The following FGFR1 variants were observed in gnomAD, a reference collection of about 807,000 sequenced individuals.
FGFR1 encodes the protein fibroblast growth factor receptor 1, also known as FGFR1/PLAG1 fusion.
Under a neutral mutation model 93.7 loss-of-function variants are expected in FGFR1, and 18 were observed. That is an observed-to-expected ratio of 0.19 (90% confidence interval 0.13 to 0.28). The LOEUF is 0.28. Ranked by LOEUF, FGFR1 falls within the 10% of genes least tolerant of loss-of-function variation. FGFR1 has a pLI of 1.00. For missense variants in FGFR1, 731 were observed against 1,080.4 expected (o/e 0.68, Z 4.53); for synonymous variants, 448 against 429.3 (o/e 1.04, Z -0.54).
At chr8:38,415,816 G>C (rs747108233) in intron 13 of FGFR1, 54 bp downstream of exon 13, 10 of 1,551,926 alleles carry the variant, frequency 6.4e-6, no homozygotes, top group South Asian at 2.2e-5. Flanking sequence ...TGGAAGACTA[G>C]GGGGGCTCTG....
chr8:38,458,406 T>G (rs1280990130), intron 1 of FGFR1, among the ~76,000 whole-genome samples: 1 of 151,994 alleles, frequency 6.6e-6, no homozygotes, highest in East Asian at 1.9e-4. Context: ...CTGGGCATAG[T>G]GGTACACACC....
chr8:38,438,731 G>A (rs1204603226), intron 2 of FGFR1, among the ~76,000 whole-genome samples: 1 of 151,970 alleles, frequency 6.6e-6, no homozygotes, highest in Non-Finnish European at 1.5e-5. Flanking sequence ...GCTGTGCAAG[G>A]CAGCCTCAAT....
intron 2 of FGFR1, among the ~76,000 whole-genome samples, chr8:38,438,235 T>G (rs1340570670): frequency 2.0e-5 from 3 of 152,118 alleles, no homozygotes. Context: ...TGTGAAGTAT[T>G]TAAGAGTTAG....
At chr8:38,466,374 A>G (rs996948488) in intron 1 of FGFR1, among the ~76,000 whole-genome samples, 4 of 152,270 alleles carry the variant, frequency 2.6e-5, no homozygotes, top group African/African-American at 9.6e-5. Context: ...CTTTGGTTCC[A>G]GAAACTTCCA....
intron 1 of FGFR1, 100 bp downstream of exon 1, chr8:38,467,881 T>A: frequency 4.4e-6 from 1 of 226,516 alleles, no homozygotes; most frequent in Non-Finnish European, 8.8e-6. Flanking sequence ...CGGCCCCGGC[T>A]GGGCTGCGGC....
chr8:38,411,811 G>A lies in FGFR1; in HGVS notation c.*1817C>T, dbSNP rs1459231705. The stretch of plus-strand genomic sequence containing the variant: ...GAGAATTTTCCCCCCGTTCCTGAGG[G>A]ACAGGATGGAGTTTGGACAGGAAGA... On this transcript the variant is annotated 3_prime_UTR_variant, in exon 18 of 18. Coordinates refer to ENST00000447712, the MANE Select transcript of FGFR1 (RefSeq NM_023110.3). 2.6e-5 allele frequency: 6 copies of A among 229,466 alleles called. No homozygotes were observed. The highest frequency in any genetic ancestry group is 5.2e-5 in the Non-Finnish European group (6 of 115,546). The allele number at this position is 229,466 out of a possible 1,614,324, so 14.2% of individuals were successfully genotyped here. A position where few individuals can be genotyped will look rare whatever the true frequency, so the allele number is the denominator to read the frequency against.
rs139984853 is a variant in FGFR1 at position 38,454,155 on chromosome 8, C to T, written c.91+3201G>A. Among the ~76,000 whole-genome samples the T allele has an allele frequency of 5.8e-4, 88 of 152,098 alleles. No homozygotes were observed. The East Asian group carries it at 0.014, about 24-fold the overall frequency. On this transcript the variant is annotated intron_variant, in intron 2 of 17. Coordinates refer to ENST00000447712, the MANE Select transcript of FGFR1 (RefSeq NM_023110.3). ...TTTGTCCTCATCAAGATCTTCAGCC[C>T]CCAGGTTCCAGCCTCCACCCTGCCC...
At position 38,446,456 on chromosome 8, in the gene FGFR1, C is replaced by A. The variant is rs572959602; in HGVS notation, c.91+10900G>T. Among the ~76,000 whole-genome samples the A allele has an allele frequency of 2.0e-5, 3 of 151,852 alleles. No homozygotes were observed. The South Asian group carries it at 6.3e-4, about 32-fold the overall frequency. On this transcript the variant is annotated intron_variant, in intron 2 of 17. Coordinates refer to ENST00000447712, the MANE Select transcript of FGFR1 (RefSeq NM_023110.3). ...GAACTCCTGAGCTCAGGCAATCAGC[C>A]CACCTTGGCCCCCAAAAGTGCTAGG...
At chr8:38,439,022 G>C (rs1826417446) in intron 2 of FGFR1, among the ~76,000 whole-genome samples, 1 of 152,172 alleles carries the variant, frequency 6.6e-6, no homozygotes, top group Admixed American at 6.5e-5. Flanking sequence ...TGGGGGAGGT[G>C]TTCATTGTGA....
intron 3 of FGFR1, chr8:38,428,956 G>A: frequency 3.3e-6 from 1 of 303,542 alleles, no homozygotes; most frequent in Non-Finnish European, 6.4e-6. Flanking sequence ...CACCCCAGCA[G>A]CTGCCAACAC....
chr8:38,430,874 T>G (rs1822822703), intron 2 of FGFR1: 1 of 151,470 alleles, frequency 6.6e-6, no homozygotes, highest in African/African-American at 2.4e-5. Context: ...GACCAGTGCC[T>G]CTTCCCGCAC....
At chr8:38,431,906 GAAGGT>G (rs1823299704) in intron 2 of FGFR1, among the ~76,000 whole-genome samples, 2 of 152,242 alleles carry the variant, frequency 1.3e-5, no homozygotes, top group South Asian at 4.1e-4. Context: ...TTTGCCAAAC[GAAGGT>G]AAGGAGAAAA....
rs2150810324 is a variant in FGFR1 at position 38,424,472 on chromosome 8, C to A, written c.936+37G>T. 1 of 1,612,960 alleles carries A rather than the reference C, an allele frequency of 6.2e-7. No homozygotes were observed. The highest frequency in any genetic ancestry group is 8.5e-7 in the Non-Finnish European group (1 of 1,178,964). On this transcript the variant is annotated intron_variant, in intron 7 of 17. Transcript: ENST00000447712. This position sits in a 1 kb window ranked among gnomAD's most constrained non-coding sequence, Gnocchi z 4.3. ...GCCCCCGAGACAGTGGTCTCCTTCC[C>A]AGTAGACTGGCCCACGAAGACTGGT...
At chr8:38,443,149 T>A (rs1024007908) in intron 2 of FGFR1, among the ~76,000 whole-genome samples, 1 of 151,708 alleles carries the variant, frequency 6.6e-6, no homozygotes, top group Admixed American at 6.6e-5. Context: ...GAAGGTGAAA[T>A]GGATGGTGGT....
At chr8:38,459,688 C>T (rs1424817370) in intron 1 of FGFR1, among the ~76,000 whole-genome samples, 1 of 152,140 alleles carries the variant, frequency 6.6e-6, no homozygotes. Context: ...AAGTACTTTA[C>T]TCAAGGAAAT....
chr8:38,428,425 G>A lies in FGFR1; in HGVS notation c.369C>T (p.Pro123=), dbSNP rs1421890106. Residue 123 remains proline (P), a synonymous_variant, in exon 4 of 18, where the codon CCC becomes CCT. Transcript: ENST00000447712. ...CATCATCATCATCATCCTCCGAGGA[G>A]GGGAGAGCATCTATGGGAAGAAGAA... The part of the protein sequence containing the change: ...YFSVNVSDAL[P]SSEDDDDDDD... 1 of 1,612,854 alleles carries A rather than the reference G, an allele frequency of 6.2e-7. No homozygotes were observed. The highest frequency in any genetic ancestry group is 1.8e-4 in the Middle Eastern group (1 of 5,616).
chr8:38,460,884 T>C (rs1414810703), intron 1 of FGFR1, among the ~76,000 whole-genome samples: 1 of 152,144 alleles, frequency 6.6e-6, no homozygotes, highest in African/African-American at 2.4e-5. Context: ...ACAACTTCCT[T>C]CCTTCACTGC....
intron 3 of FGFR1, 191 bp from the exon 4 acceptor site, chr8:38,428,626 C>T (rs535664144): frequency 1.3e-5 from 8 of 608,622 alleles, no homozygotes; most frequent in East Asian, 2.8e-5. Context: ...CTTCCTTCCC[C>T]GAAGCACTGC....
In FGFR1 at chr8:38,423,094, TAC is replaced by T. The variant is rs755531776; in HGVS notation, c.937-1155_937-1154del. 6 of 779,500 alleles carry T rather than the reference TAC, an allele frequency of 7.7e-6. No homozygotes were observed. In the Admixed American group the frequency reaches 1.0e-4, roughly 13 times the overall value. The allele number at this position is 779,500 out of a possible 1,614,324, so 48.3% of individuals were successfully genotyped here. On this transcript the variant is annotated intron_variant, in intron 7 of 17. Coordinates refer to ENST00000447712, the MANE Select transcript of FGFR1 (RefSeq NM_023110.3). ...GCTTCACCAATATAATTGGAAACCT[TAC>T]ACACATACTCCCCGCTCTGGGCCTC...
Sources: gnomAD v4.1 joint callset for allele counts (sites outside exome capture counted in the v4.1 genomes callset) on GRCh38, gnomAD v4.1.1 for gene constraint, Gnocchi (gnomAD v3.1) non-coding constraint, MANE v1.5 for transcripts, NCBI Gene and HGNC (gene_info 2026-07-23, HGNC 2026-07-21) for gene names.